CHST9: variants seen among roughly 807,000 people sequenced by gnomAD.
CHST9 encodes GalNAc-4-sulfotransferase 2.
CHST9 carries 41 observed loss-of-function variants against 44.4 expected under a neutral mutation model. The observed-to-expected ratio is 0.92, with a 90% CI of 0.72 to 1.20. The LOEUF is 1.20. Ranked by LOEUF, CHST9 falls within the 50% of genes most tolerant of loss-of-function variation. CHST9 has a pLI of 0.00. For synonymous variants in CHST9, 171 were observed against 178.4 expected, an observed-to-expected ratio of 0.96 and a Z score of 0.33; for missense variants, 504 against 516.5, an observed-to-expected ratio of 0.98 and a Z score of 0.23.
chr18:26,938,202 G>C (rs2056027525), intron 5 of CHST9, among the ~76,000 whole-genome samples: 1 of 151,820 alleles, frequency 6.6e-6, no homozygotes, highest in African/African-American at 2.4e-5. Context: ...AACTTTCTTG[G>C]CTTCCAATTA....
intron 4 of CHST9, among the ~76,000 whole-genome samples, chr18:26,972,431 A>G (rs1258952297): frequency 6.6e-6 from 1 of 151,306 alleles, no homozygotes; most frequent in African/African-American, 2.4e-5. Flanking sequence ...AGGAGGTGAC[A>G]GAGTCAGTCA....
intron 3 of CHST9, among the ~76,000 whole-genome samples, chr18:27,025,071 T>C (rs1452870249): frequency 6.8e-6 from 1 of 147,968 alleles, no homozygotes; most frequent in Non-Finnish European, 1.5e-5. Flanking sequence ...TATGTATATA[T>C]ATAATATGTA....
intron 4 of CHST9, among the ~76,000 whole-genome samples, chr18:27,010,436 G>T (rs1041021265): frequency 6.6e-6 from 1 of 152,172 alleles, no homozygotes; most frequent in East Asian, 1.9e-4. Context: ...GACAGTTGTT[G>T]TCTTACAGTC....
At chr18:26,987,465 A>G (rs1049126797) in intron 4 of CHST9, among the ~76,000 whole-genome samples, 1 of 152,202 alleles carries the variant, frequency 6.6e-6, no homozygotes, top group Non-Finnish European at 1.5e-5. Flanking sequence ...ATAAACATAA[A>G]AAACCGAAAA....
chr18:27,021,381 G>A (rs1050799176), intron 4 of CHST9, among the ~76,000 whole-genome samples: 5 of 152,110 alleles, frequency 3.3e-5, no homozygotes, highest in African/African-American at 9.7e-5. Flanking sequence ...TAGAAAGGGC[G>A]CCATTCTGTC....
intron 1 of CHST9, among the ~76,000 whole-genome samples, chr18:27,144,271 G>A (rs1454748398): frequency 1.3e-5 from 2 of 152,290 alleles, no homozygotes; most frequent in Non-Finnish European, 2.9e-5. Context: ...AGTCTTTGAT[G>A]GAAAATATTG....
chr18:27,062,766 C>T (rs1014995688), intron 2 of CHST9, among the ~76,000 whole-genome samples: 6 of 152,328 alleles, frequency 3.9e-5, no homozygotes, highest in East Asian at 3.9e-4. Flanking sequence ...AACTAGTTTA[C>T]AGTCCCACCA....
intron 5 of CHST9, chr18:26,935,056 A>C (rs996882290): frequency 6.6e-6 from 1 of 152,198 alleles, no homozygotes; most frequent in African/African-American, 2.4e-5. Flanking sequence ...CACATGTGGA[A>C]ATTGCTTATT....
At chr18:26,992,555 G>A (rs2056832648) in intron 4 of CHST9, among the ~76,000 whole-genome samples, 1 of 151,912 alleles carries the variant, frequency 6.6e-6, no homozygotes, top group South Asian at 2.1e-4. Flanking sequence ...ACTATCCCTT[G>A]TTTAGCAGAC....
At chr18:27,098,987 G>C (rs1045383572) in intron 2 of CHST9, among the ~76,000 whole-genome samples, 1 of 151,992 alleles carries the variant, frequency 6.6e-6, no homozygotes, top group Non-Finnish European at 1.5e-5. Flanking sequence ...GATGGTACTG[G>C]TACAAAAACA....
At chr18:27,117,801 G>A (rs1410954785) in intron 2 of CHST9, among the ~76,000 whole-genome samples, 3 of 152,128 alleles carry the variant, frequency 2.0e-5, no homozygotes, top group African/African-American at 7.2e-5. Context: ...ACTTACTAAA[G>A]GACATCTTAT....
intron 4 of CHST9, among the ~76,000 whole-genome samples, chr18:26,979,130 A>G (rs1021184145): frequency 6.1e-4 from 93 of 151,834 alleles, no homozygotes; most frequent in Non-Finnish European, 8.8e-5. Flanking sequence ...TGCCCATCCT[A>G]TTTTGTTGTG....
chr18:26,975,725 G>GTGTGTATATATA (rs1383045273), intron 4 of CHST9, among the ~76,000 whole-genome samples: 2 of 101,838 alleles, frequency 2.0e-5, no homozygotes, highest in South Asian at 4.3e-4. Context: ...GTGTGTGTGT[G>GTGTGTATATATA]TATATATATA....
At chr18:27,072,792 T>A (rs1054435103) in intron 2 of CHST9, among the ~76,000 whole-genome samples, 2 of 152,220 alleles carry the variant, frequency 1.3e-5, no homozygotes, top group Non-Finnish European at 2.9e-5. Context: ...AATGGAAGCA[T>A]AGAAGTATGC....
chr18:26,964,487 C>T (rs2056439649), intron 4 of CHST9, among the ~76,000 whole-genome samples: 1 of 152,188 alleles, frequency 6.6e-6, no homozygotes, highest in Non-Finnish European at 1.5e-5. Context: ...GTGAGAAAAT[C>T]AGATCTAGGC....
At position 27,024,095 on chromosome 18, in the gene CHST9, C is replaced by T. The variant is rs754757483; in HGVS notation, c.202+21G>A. 1.9e-6 allele frequency: 3 copies of T among 1,609,534 alleles called. No individual in the cohort carries two copies. The Admixed American group carries it at 5.0e-5, about 27-fold the overall frequency. On this transcript the variant is annotated intron_variant, in intron 4 of 5. Transcript: ENST00000618847. ...TATCTATAACTACCCAAGATTCAAA[C>T]ATTATGAGGAAGTTACTCACTGATT...
At chr18:26,981,182 G>C (rs557258832) in intron 4 of CHST9, among the ~76,000 whole-genome samples, 1 of 152,128 alleles carries the variant, frequency 6.6e-6, no homozygotes, top group Admixed American at 6.5e-5. Context: ...CATGTTAAAG[G>C]CTTTTGACTT....
intron 2 of CHST9, among the ~76,000 whole-genome samples, chr18:27,052,089 G>A (rs143152300): frequency 0.014 from 2,142 of 151,892 alleles, 34 homozygotes; most frequent in South Asian, 0.033. Flanking sequence ...TTTTTATGAA[G>A]ACCTCGAACA....
chr18:27,076,867 G>A (rs753685624), intron 2 of CHST9, among the ~76,000 whole-genome samples: 4 of 152,142 alleles, frequency 2.6e-5, no homozygotes, highest in Admixed American at 6.5e-5. Context: ...TCCAATGAGG[G>A]GAAAGGAGCT....
Sources: allele counts gnomAD v4.1 joint callset (sites outside exome capture counted in the v4.1 genomes callset), GRCh38; gene constraint gnomAD v4.1.1; transcripts MANE v1.5; gene names NCBI Gene and HGNC (gene_info 2026-07-23, HGNC 2026-07-21).